The following SGCB variants were observed in gnomAD, a reference collection of about 807,000 sequenced individuals.
SGCB encodes beta-sarcoglycan.
Under a neutral mutation model 27.3 loss-of-function variants are expected in SGCB, and 25 were observed. The observed-to-expected ratio is 0.92, with a 90% CI of 0.67 to 1.28. SGCB has a LOEUF of 1.28. SGCB is among the 50% of genes most tolerant of loss of function. The pLI is 0.00. For missense variants in SGCB, 436 were observed against 402.1 expected (o/e 1.08, Z -0.72); for synonymous variants, 147 against 133.5 (o/e 1.10, Z -0.70).
At chr4:52,038,108 G>A (rs1737447243) in intron 1 of SGCB, 119 bp downstream of exon 1, 6 of 107,408 alleles carry the variant, frequency 5.6e-5, no homozygotes, top group Non-Finnish European at 5.8e-5. Flanking sequence ...CGGCCCCGCC[G>A]AACCCAGACC....
chr4:52,027,875 T>G (rs1737141639), intron 5 of SGCB, 93 bp downstream of exon 5: 1 of 1,211,146 alleles, frequency 8.3e-7, no homozygotes, highest in East Asian at 2.4e-5. Flanking sequence ...AATAGACAAT[T>G]ATATCATTTT....
At position 52,023,817 on chromosome 4, in the gene SGCB, A is replaced by G; in HGVS notation, c.*140T>C. 2 of 700,430 alleles carry G rather than the reference A, an allele frequency of 2.9e-6. No homozygotes were observed. Among genetic ancestry groups the G allele is most frequent in the Non-Finnish European group, 5.1e-6 (2 of 391,724 alleles). 43.4% of individuals were successfully genotyped at this position (700,430 alleles called of 1,614,324 possible). A position where few individuals can be genotyped will look rare whatever the true frequency, so the allele number is the denominator to read the frequency against. ...TAGGCTCTCTGAGAAGATTTTAACT[A>G]TGTAGACCATAAAACAGATACAGCA... On this transcript the variant is annotated 3_prime_UTR_variant, in exon 6 of 6. Coordinates refer to ENST00000381431, the MANE Select transcript of SGCB (RefSeq NM_000232.5).
rs1220234790 is a variant in SGCB, at chr4:52,023,504, G to C, written c.*453C>G. The C allele has an allele frequency of 1.2e-5, 2 of 165,732 alleles. No individual in the cohort carries two copies. The highest frequency in any genetic ancestry group is 3.4e-4 in the East Asian group (2 of 5,966). 10.3% of individuals were successfully genotyped at this position (165,732 alleles called of 1,614,324 possible). A position where few individuals can be genotyped will look rare whatever the true frequency, so the allele number is the denominator to read the frequency against. Reference sequence around the variant, plus strand: ...TGTGAGAATATGGCTCAGGCTTAATGCACTAGAAATCTGCATCTTTCCTTT... The same window carrying C: ...TGTGAGAATATGGCTCAGGCTTAATCCACTAGAAATCTGCATCTTTCCTTT... On this transcript the variant is annotated 3_prime_UTR_variant, in exon 6 of 6. Transcript: ENST00000381431.
intron 1 of SGCB, among the ~76,000 whole-genome samples, chr4:52,034,634 G>C (rs1453278236): frequency 6.6e-6 from 1 of 151,936 alleles, no homozygotes; most frequent in Non-Finnish European, 1.5e-5. Context: ...TAGATATTGA[G>C]GGACAACGGT....
At chr4:52,037,233 C>G (rs956285315) in intron 1 of SGCB, among the ~76,000 whole-genome samples, 1 of 152,236 alleles carries the variant, frequency 6.6e-6, no homozygotes, top group Non-Finnish European at 1.5e-5. Context: ...TGCCTATTGT[C>G]TTTAGCTGAT....
chr4:52,025,730 A>C (rs941414107), intron 5 of SGCB, among the ~76,000 whole-genome samples: 1 of 152,230 alleles, frequency 6.6e-6, no homozygotes, highest in Admixed American at 6.5e-5. Context: ...GGAAGTAAGA[A>C]GATCAGCCAG....
chr4:52,031,396 GTGTGTGTGTA>G (rs1280625119), intron 2 of SGCB, among the ~76,000 whole-genome samples: 64 of 47,474 alleles, frequency 1.3e-3, no homozygotes, highest in South Asian at 2.1e-3. Flanking sequence ...TCATCTCTGT[GTGTGTGTGTA>G]TGTGTGTGTG....
chr4:52,031,814 G>C, intron 2 of SGCB: 2 of 436,202 alleles, frequency 4.6e-6, no homozygotes, highest in South Asian at 3.3e-5. Flanking sequence ...TTGAGGGGTA[G>C]GGCTTGTGAC....
chr4:52,028,014 C>T lies in SGCB; in HGVS notation c.707G>A (p.Gly236Asp), dbSNP rs1553940073. The change falls in exon 5 of 6, where the codon GGC becomes GAC. Residue 236 changes from glycine to aspartate, a missense_variant. Physicochemically the swap from Gly to Asp is moderately conservative, Grantham distance 94. Transcript: ENST00000381431. ...VRGNEGVFIM[G>D]KTIEFHMGGN... is the part of the protein sequence containing the mutation. ...ACCCATGTGAAATTCAATGGTTTTG[C>T]CCATAATGAATACACCTTCATTTCC... 6.2e-7 allele frequency: 1 copy of T among 1,613,590 alleles called. No individual in the cohort carries two copies. The highest frequency in any genetic ancestry group is 1.1e-5 in the South Asian group (1 of 91,072).
At chr4:52,025,430 A>G (rs2110210533) in intron 5 of SGCB, among the ~76,000 whole-genome samples, 1 of 152,256 alleles carries the variant, frequency 6.6e-6, no homozygotes, top group East Asian at 1.9e-4. Context: ...AGGGTACTCA[A>G]AGCAGAGGTA....
chr4:52,033,382 T>C (rs201022616), intron 2 of SGCB, 49 bp downstream of exon 2: 4 of 1,215,188 alleles, frequency 3.3e-6, no homozygotes, highest in South Asian at 2.4e-5. Flanking sequence ...ATAAAGCAGA[T>C]AAAAAATTCC....
chr4:52,038,081 C>A, intron 1 of SGCB, 146 bp downstream of exon 1: 1 of 162,410 alleles, frequency 6.2e-6, no homozygotes, highest in Admixed American at 6.6e-5. Flanking sequence ...GCTCCTCCCG[C>A]CCCGCCCCGC....
chr4:52,025,920 G>T (rs975098295), intron 5 of SGCB, among the ~76,000 whole-genome samples: 2 of 152,192 alleles, frequency 1.3e-5, no homozygotes, highest in African/African-American at 4.8e-5. Context: ...CATGCTTGTG[G>T]GGATGGAGAA....
Position 52,024,826 on chromosome 4 carries a change from TCAA to T in SGCB, c.754-669_754-667del, listed in dbSNP as rs1311383058. ...CTGGGTGACTGAGCGAGACACTGTC[TCAA>T]AAAAAAAAAAAAAAAAAAAAAAAAA... On this transcript the variant is annotated intron_variant, in intron 5 of 5. Coordinates refer to ENST00000381431, the MANE Select transcript of SGCB (RefSeq NM_000232.5). 8.1e-3 allele frequency among the ~76,000 whole-genome samples: 462 copies of T among 56,804 alleles called. 2 individuals are homozygous for T. Among genetic ancestry groups the T allele is most frequent in the African/African-American group, 0.027 (359 of 13,092 alleles). 37.3% of individuals were successfully genotyped at this position (56,804 alleles called of 152,430 possible). A position where few individuals can be genotyped will look rare whatever the true frequency, so the allele number is the denominator to read the frequency against.
rs1389228653 is a variant in SGCB, at chr4:52,029,774, C to T, written c.333G>A (p.Lys111=). 6.2e-7 allele frequency: 1 copy of T among 1,613,574 alleles called. No individual in the cohort carries two copies. Among genetic ancestry groups the T allele is most frequent in the South Asian group, 1.1e-5 (1 of 91,062 alleles). ...GGATCACTCCCATGTCAGATACTTG[C>T]TTAAATCGAAGCAGGCCACTTTCAT... is the stretch of plus-strand genomic sequence containing the variant. ...EFHESGLLRF[K]QVSDMGVIHP... is the part of the protein sequence containing the mutation. Residue 111 remains lysine (K), a synonymous_variant, in exon 3 of 6, where the codon AAG becomes AAA. Coordinates refer to ENST00000381431, the MANE Select transcript of SGCB (RefSeq NM_000232.5).
chr4:52,023,722 G>T lies in SGCB; in HGVS notation c.*235C>A, dbSNP rs1416178249. 1 of 483,242 alleles carries T rather than the reference G, an allele frequency of 2.1e-6. No homozygotes were observed. The highest frequency in any genetic ancestry group is 3.8e-5 in the East Asian group (1 of 26,622). 29.9% of individuals were successfully genotyped at this position (483,242 alleles called of 1,614,324 possible). ...TTAAACATGACTTTTGATTTTATTT[G>T]CTTCTCATAATTATTTTAGAGAACA... On this transcript the variant is annotated 3_prime_UTR_variant, in exon 6 of 6. Transcript: ENST00000381431.
rs1425189581 is a variant in SGCB at position 52,021,829 on chromosome 4, A to G, written c.*2128T>C. The G allele has an allele frequency of 6.6e-6, 1 of 152,188 alleles. No individual in the cohort carries two copies. Among genetic ancestry groups the G allele is most frequent in the Non-Finnish European group, 1.5e-5 (1 of 68,016 alleles). The allele number at this position is 152,188 out of a possible 1,614,324, so 9.4% of individuals were successfully genotyped here. A position where few individuals can be genotyped will look rare whatever the true frequency, so the allele number is the denominator to read the frequency against. ...ATGGCTGTTAACCTTCAGTTGTATA[A>G]AAACATCAAAATAGCCTCTCCTCTC... On this transcript the variant is annotated 3_prime_UTR_variant, in exon 6 of 6. Transcript: ENST00000381431.
chr4:52,026,495 G>A (rs1181134134), intron 5 of SGCB, among the ~76,000 whole-genome samples: 1 of 151,924 alleles, frequency 6.6e-6, no homozygotes, highest in African/African-American at 2.4e-5. Context: ...CTGACCTTGT[G>A]ATCCACCCGC....
Position 52,033,595 on chromosome 4 carries a change from C to A in SGCB, c.79G>T (p.Val27Phe). ...PVKKSMREKAVERRSVNKEHN... is the reference protein window; with the variant it reads ...PVKKSMREKAFERRSVNKEHN... ...TCTTTATTGACACTCCTTCTCTCAA[C>A]AGCCTTCTCACGCATGGACTTCTTT... The change falls in exon 2 of 6, where the codon GTT becomes TTT. Residue 27 changes from valine to phenylalanine, a missense_variant. Val to Phe is a conservative substitution (Grantham distance 50). Coordinates refer to ENST00000381431, the MANE Select transcript of SGCB (RefSeq NM_000232.5). 1 of 1,614,000 alleles carries A rather than the reference C, an allele frequency of 6.2e-7. No homozygotes were observed. The highest frequency in any genetic ancestry group is 2.2e-5 in the East Asian group (1 of 44,858).
Sources: gnomAD v4.1 joint callset for allele counts (sites outside exome capture counted in the v4.1 genomes callset) on GRCh38, gnomAD v4.1.1 for gene constraint, MANE v1.5 for transcripts, NCBI Gene and HGNC (gene_info 2026-07-23, HGNC 2026-07-21) for gene names.